Variants in CNTNAP3 observed in about 807,000 individuals in gnomAD.
CNTNAP3 encodes contactin-associated protein-like 3.
In CNTNAP3, 36 loss-of-function variants were observed where a neutral mutation model predicts 92.1. That is an observed-to-expected ratio of 0.39 (90% confidence interval 0.30 to 0.52). The LOEUF (loss-of-function observed/expected upper bound fraction) is 0.52. CNTNAP3 is among the 20% of genes least tolerant of loss of function. CNTNAP3 has a pLI of 0.76. For missense variants in CNTNAP3, 534 were observed against 1,069.6 expected, an observed-to-expected ratio of 0.50 and a Z score of 6.98; for synonymous variants, 232 against 422.3, an observed-to-expected ratio of 0.55 and a Z score of 5.53.
rs1825664962 is a variant in CNTNAP3 at position 39,073,114 on chromosome 9, A to G, written c.*776T>C. 6.5e-6 allele frequency: 1 copy of G among 153,790 alleles called. No individual in the cohort carries two copies. The highest frequency in any genetic ancestry group is 2.4e-5 in the African/African-American group (1 of 41,490). The allele number at this position is 153,790 out of a possible 1,614,324, so 9.5% of individuals were successfully genotyped here. On this transcript the variant is annotated 3_prime_UTR_variant, in exon 24 of 24. Coordinates refer to ENST00000297668, the MANE Select transcript of CNTNAP3 (RefSeq NM_033655.5). ...TCCTCTTGCATCTTGTTACCTACCA[A>G]TGTTCTGTTCCATTATAAAATTCAA...
intron 13 of CNTNAP3, among the ~76,000 whole-genome samples, chr9:39,120,303 T>C (rs1820983033): frequency 6.6e-6 from 1 of 152,184 alleles, no homozygotes; most frequent in Admixed American, 6.5e-5. Context: ...GCATATTTTT[T>C]TCAGGGCTGA....
chr9:39,091,671 T>G (rs1628315), intron 18 of CNTNAP3, among the ~76,000 whole-genome samples: 2 of 151,314 alleles, frequency 1.3e-5, no homozygotes, highest in African/African-American at 2.4e-5. Context: ...TATATATACT[T>G]GTATATCTAT....
At chr9:39,076,231 C>A (rs76945223) in intron 23 of CNTNAP3, among the ~76,000 whole-genome samples, 3,883 of 140,986 alleles carry the variant, frequency 0.028, no homozygotes, top group East Asian at 0.16. Context: ...TTCCTTCTCA[C>A]CAAAAGCTGG....
chr9:39,261,424 G>C lies in CNTNAP3; in HGVS notation c.196+5472C>G, dbSNP rs1010642942. On this transcript the variant is annotated intron_variant, in intron 2 of 23. Transcript: ENST00000297668. ...AATAGGCAGCATAATGGCCTCATTA[G>C]GGCAGTTTCCACAGTGACCCACACC... Among the ~76,000 whole-genome samples the C allele has an allele frequency of 6.9e-3, 53 of 7,646 alleles. 10 individuals carry two copies. The highest frequency in any genetic ancestry group is 1.0e-2 in the African/African-American group (49 of 4,904). The allele number at this position is 7,646 out of a possible 152,430, so 5.0% of individuals were successfully genotyped here.
chr9:39,127,293 T>C lies in CNTNAP3; in HGVS notation c.2080+5639A>G, dbSNP rs536401650. ...TGAAATGTAGGTAAAACTGTGTTGATAGGGAAAACGTAGCACTAAATGCCT... is the reference window on the plus strand; with the variant it reads ...TGAAATGTAGGTAAAACTGTGTTGACAGGGAAAACGTAGCACTAAATGCCT... On this transcript the variant is annotated intron_variant, in intron 13 of 23. Coordinates refer to ENST00000297668, the MANE Select transcript of CNTNAP3 (RefSeq NM_033655.5). Among the ~76,000 whole-genome samples, 6 of 152,064 alleles carry C rather than the reference T, an allele frequency of 3.9e-5. No homozygotes were observed. The East Asian group carries it at 5.8e-4, about 15-fold the overall frequency.
Position 39,100,002 on chromosome 9 carries a change from C to T in CNTNAP3, c.2904G>A (p.Leu968=), listed in dbSNP as rs1269629673. Residue 968 remains leucine, a synonymous_variant, in exon 18 of 24, where the codon TTG becomes TTA. Transcript: ENST00000297668. ...CAGHCSTYGH[L]CRNGGRCREK... ...CTCTGCATCTCCCTCCATTGCGACA[C>T]AAGTGTCCATAGGTGCTGCAGTGTC... is the stretch of plus-strand genomic sequence containing the variant. The T allele has an allele frequency of 6.3e-7, 1 of 1,592,180 alleles. No individual in the cohort carries two copies. Among genetic ancestry groups the T allele is most frequent in the Non-Finnish European group, 8.6e-7 (1 of 1,169,162 alleles).
chr9:39,122,873 A>C (rs1821064585), intron 13 of CNTNAP3, among the ~76,000 whole-genome samples: 1 of 152,174 alleles, frequency 6.6e-6, no homozygotes, highest in African/African-American at 2.4e-5. Flanking sequence ...TAGGTACTAT[A>C]AACAAAGATA....
At chr9:39,102,019 C>T (rs1446110351) in intron 17 of CNTNAP3, among the ~76,000 whole-genome samples, 61 of 152,314 alleles carry the variant, frequency 4.0e-4, no homozygotes, top group African/African-American at 1.4e-3. Context: ...GTGGCTCGCG[C>T]CTGTAATCCC....
intron 18 of CNTNAP3, among the ~76,000 whole-genome samples, chr9:39,093,260 A>G (rs1317867202): frequency 7.2e-6 from 1 of 138,186 alleles, no homozygotes; most frequent in Admixed American, 7.2e-5. Context: ...TTCTTTTTCT[A>G]TGTGTTTCAT....
In CNTNAP3 at chr9:39,099,639, A is replaced by C. The variant is rs1587706195; in HGVS notation, c.2995+272T>G. ...ACAGTACAAGGACAGAGTTTTGAAAACCAAATTATTTCAAGAGGATTAGCA... is the reference window on the plus strand; with the variant it reads ...ACAGTACAAGGACAGAGTTTTGAAACCCAAATTATTTCAAGAGGATTAGCA... On this transcript the variant is annotated intron_variant, in intron 18 of 23. Transcript: ENST00000297668. Among the ~76,000 whole-genome samples the C allele has an allele frequency of 2.0e-5, 3 of 152,270 alleles. 1 individual carries two copies. The South Asian group carries it at 6.2e-4, about 32-fold the overall frequency.
intron 2 of CNTNAP3, among the ~76,000 whole-genome samples, chr9:39,253,145 AATAT>A (rs748829854): frequency 0.41 from 2,465 of 5,972 alleles, 1,134 homozygotes; most frequent in Middle Eastern, 0.67. Flanking sequence ...ACTCTCTCTA[AATAT>A]ATATATATAT....
chr9:39,112,743 T>C (rs901575555), intron 14 of CNTNAP3, among the ~76,000 whole-genome samples: 11 of 147,902 alleles, frequency 7.4e-5, no homozygotes, highest in Non-Finnish European at 1.2e-4. Flanking sequence ...ACTTAAAAAA[T>C]TTCTAGATTC....
At position 39,069,071 on chromosome 9, in the gene CNTNAP3, G is replaced by A. The variant is rs1825579455; in HGVS notation, c.*4819C>T. On this transcript the variant is annotated 3_prime_UTR_variant, in exon 24 of 24. Transcript: ENST00000297668. ...CACATGAATCATATCCTAAAGATTT[G>A]GAACAAGAAGTAAATTTAGCTATCA... Among the ~76,000 whole-genome samples, 1 of 152,190 alleles carries A rather than the reference G, an allele frequency of 6.6e-6. No homozygotes were observed. The highest frequency in any genetic ancestry group is 1.5e-5 in the Non-Finnish European group (1 of 68,046).
intron 23 of CNTNAP3, 186 bp downstream of exon 23, chr9:39,078,199 T>C: frequency 3.2e-6 from 4 of 1,264,938 alleles, no homozygotes; most frequent in South Asian, 1.4e-5. Flanking sequence ...AGCGTGAGGC[T>C]CTTGTCTCAA....
intron 11 of CNTNAP3, among the ~76,000 whole-genome samples, chr9:39,142,655 G>A (rs1460732687): frequency 6.8e-6 from 1 of 147,116 alleles, no homozygotes; most frequent in African/African-American, 2.5e-5. Flanking sequence ...CTGGGCGACA[G>A]AGCAAGACTC....
chr9:39,121,614 G>A lies in CNTNAP3; in HGVS notation c.2081-3355C>T, dbSNP rs2778181. ...TGGTGGAGTCTGGTAAAAGCACTTA[G>A]AATGTAACTGACTAATTGATGGATA... On this transcript the variant is annotated intron_variant, in intron 13 of 23. Coordinates refer to ENST00000297668, the MANE Select transcript of CNTNAP3 (RefSeq NM_033655.5). Among the ~76,000 whole-genome samples the A allele has an allele frequency of 5.3e-5, 8 of 152,078 alleles. No homozygotes were observed. In the East Asian group the frequency reaches 1.2e-3, roughly 22 times the overall value.
chr9:39,132,265 G>A (rs1587724105), intron 13 of CNTNAP3, among the ~76,000 whole-genome samples: 1 of 152,232 alleles, frequency 6.6e-6, no homozygotes, highest in East Asian at 1.9e-4. Flanking sequence ...GTCCTGCAGG[G>A]GACTTGTGGG....
chr9:39,143,750 T>G (rs1358891585), intron 11 of CNTNAP3, among the ~76,000 whole-genome samples: 1 of 152,196 alleles, frequency 6.6e-6, no homozygotes, highest in African/African-American at 2.4e-5. Flanking sequence ...GATATCCCAT[T>G]ACCTCTTCAA....
In CNTNAP3 at chr9:39,072,156, G is replaced by C. The variant is rs1301653966; in HGVS notation, c.*1734C>G. ...ATGGGCTGTCTGTACTCTCAATACAGATGTAGTATTCTGAGAAGAGATCAT... is the reference window on the plus strand; with the variant it reads ...ATGGGCTGTCTGTACTCTCAATACACATGTAGTATTCTGAGAAGAGATCAT... On this transcript the variant is annotated 3_prime_UTR_variant, in exon 24 of 24. Coordinates refer to ENST00000297668, the MANE Select transcript of CNTNAP3 (RefSeq NM_033655.5). Among the ~76,000 whole-genome samples the C allele has an allele frequency of 8.8e-6, 1 of 113,946 alleles. No homozygotes were observed. The highest frequency in any genetic ancestry group is 4.0e-5 in the African/African-American group (1 of 24,700). 74.8% of individuals were successfully genotyped at this position (113,946 alleles called of 152,430 possible). A position where few individuals can be genotyped will look rare whatever the true frequency, so the allele number is the denominator to read the frequency against.
Sources: gnomAD v4.1 joint callset for allele counts (sites outside exome capture counted in the v4.1 genomes callset) on GRCh38, gnomAD v4.1.1 for gene constraint, MANE v1.5 for transcripts, NCBI Gene and HGNC (gene_info 2026-07-23, HGNC 2026-07-21) for gene names.